Variants in NEBL observed in about 807,000 individuals in gnomAD.
The protein encoded by NEBL is nebulette.
A neutral mutation model predicts 140.2 loss-of-function variants in NEBL; 122 were observed. The ratio of observed to expected loss-of-function variants is 0.87; its 90% CI spans 0.75 to 1.01. NEBL has a LOEUF of 1.01. Among genes scored for constraint, NEBL ranks in the 50% least tolerant of loss-of-function variants. NEBL has a pLI of 0.00. For synonymous variants in NEBL, 436 were observed against 398.9 expected (o/e 1.09, Z -1.11); for missense variants, 1,365 against 1,231.3 (o/e 1.11, Z -1.62).
intron 2 of NEBL, among the ~76,000 whole-genome samples, chr10:21,027,673 A>T (rs890351119): frequency 6.6e-6 from 1 of 152,148 alleles, no homozygotes; most frequent in Non-Finnish European, 1.5e-5. Flanking sequence ...GTGACTTCAC[A>T]TCATGAAACT....
chr10:21,137,829 GCTTCTCGGGAGGCAGAGGTAGAAGTATCA>G (rs1839424522), intron 2 of NEBL, among the ~76,000 whole-genome samples: 1 of 151,744 alleles, frequency 6.6e-6, no homozygotes. Context: ...TGTGATCTCA[GCTTCTCGGGAGGCAGAGGTAGAAGTATCA>G]CTTAAGCCTG....
chr10:21,152,805 A>G (rs1840194530), intron 2 of NEBL, among the ~76,000 whole-genome samples: 1 of 152,242 alleles, frequency 6.6e-6, no homozygotes, highest in East Asian at 1.9e-4. Context: ...CAGAAATCCA[A>G]TGACTGCATT....
chr10:21,051,280 G>T (rs1016449029), intron 2 of NEBL, among the ~76,000 whole-genome samples: 2 of 152,072 alleles, frequency 1.3e-5, no homozygotes, highest in Non-Finnish European at 2.9e-5. Context: ...TTTATTTTCT[G>T]TATGATTTAA....
chr10:21,176,109 C>T (rs1051868735), upstream of NEBL, among the ~76,000 whole-genome samples: 2 of 151,930 alleles, frequency 1.3e-5, no homozygotes, highest in Non-Finnish European at 2.9e-5. Flanking sequence ...CTCAGGTGAT[C>T]CTCCCGTCTC....
chr10:21,029,678 G>A (rs758600956), intron 2 of NEBL: 46 of 1,145,952 alleles, frequency 4.0e-5, no homozygotes, highest in Non-Finnish European at 5.5e-5. Context: ...TATCGAGATC[G>A]TTATGATTCA....
chr10:21,213,959 A>G (rs1206496664), intron 3 of NEBL, among the ~76,000 whole-genome samples: 1 of 152,162 alleles, frequency 6.6e-6, no homozygotes, highest in Non-Finnish European at 1.5e-5. Flanking sequence ...CTTTTATGTA[A>G]GTATCGGCTG....
chr10:21,096,755 T>A (rs1837206701), intron 2 of NEBL, among the ~76,000 whole-genome samples: 1 of 152,146 alleles, frequency 6.6e-6, no homozygotes, highest in Admixed American at 6.5e-5. Flanking sequence ...TCTCAAGCAA[T>A]CCTCCTCCCT....
intron 11 of NEBL, among the ~76,000 whole-genome samples, chr10:20,847,468 G>C (rs1441159612): frequency 2.0e-5 from 3 of 152,174 alleles, no homozygotes; most frequent in Non-Finnish European, 2.9e-5. Flanking sequence ...CATAGTATTT[G>C]AATATATTAA....
chr10:21,057,874 T>C (rs375919201), intron 2 of NEBL, among the ~76,000 whole-genome samples: 19 of 152,266 alleles, frequency 1.2e-4, no homozygotes, highest in East Asian at 9.6e-4. Context: ...TAACTTAACA[T>C]GACATGAAAA....
chr10:20,880,639 T>C (rs959218211), intron 5 of NEBL, among the ~76,000 whole-genome samples, 155 bp downstream of exon 5: 4 of 152,230 alleles, frequency 2.6e-5, no homozygotes, highest in African/African-American at 7.2e-5. Flanking sequence ...TGACTGTGGA[T>C]AGAATAATTC....
intron 4 of NEBL, among the ~76,000 whole-genome samples, chr10:20,942,966 T>C (rs569496653): frequency 2.6e-5 from 4 of 152,122 alleles, no homozygotes; most frequent in African/African-American, 9.6e-5. Context: ...TGTGGAGAAA[T>C]AGGAACACTT....
At position 20,787,604 on chromosome 10, in the gene NEBL, C is replaced by T. The variant is rs115922291; in HGVS notation, c.2762-296G>A. ...ACATAAACAAAAATTTTTCATACTC[C>T]CTTAATGAAATCATGTTTTTATTCG... On this transcript the variant is annotated intron_variant, in intron 26 of 27. Transcript: ENST00000377122. Among the ~76,000 whole-genome samples, 2,048 of 152,190 alleles carry T rather than the reference C, an allele frequency of 0.013. 46 individuals are homozygous for T. The highest frequency in any genetic ancestry group is 0.047 in the African/African-American group (1,942 of 41,532).
chr10:20,829,865 T>C (rs1840238572), intron 16 of NEBL, among the ~76,000 whole-genome samples: 1 of 152,202 alleles, frequency 6.6e-6, no homozygotes, highest in Non-Finnish European at 1.5e-5. Flanking sequence ...TCTGTAGCTT[T>C]CCAAGAGCAA....
chr10:21,212,762 G>T (rs1197801782), intron 3 of NEBL, among the ~76,000 whole-genome samples: 1 of 152,186 alleles, frequency 6.6e-6, no homozygotes, highest in African/African-American at 2.4e-5. Context: ...TTTTATTTTT[G>T]AAATACTTGC....
chr10:21,170,582 CAATAGG>C (rs1448899144), intron 2 of NEBL: 1 of 152,440 alleles, frequency 6.6e-6, no homozygotes, highest in Non-Finnish European at 1.5e-5. Flanking sequence ...CACGCTATTC[CAATAGG>C]AAGCACGGTG....
chr10:20,896,425 G>A (rs1030783139), intron 2 of NEBL, among the ~76,000 whole-genome samples: 1 of 144,264 alleles, frequency 6.9e-6, no homozygotes, highest in Non-Finnish European at 1.5e-5. Flanking sequence ...TAATATCAGG[G>A]TTCTTAGCAA....
chr10:20,874,653 A>C (rs11012370), intron 5 of NEBL, among the ~76,000 whole-genome samples: 1,599 of 152,314 alleles, frequency 0.01, 23 homozygotes, highest in African/African-American at 0.036. Context: ...CATACACAAC[A>C]GAATCTCATT....
At chr10:21,182,873 C>T (rs969103610) in intron 3 of NEBL, among the ~76,000 whole-genome samples, 5 of 152,198 alleles carry the variant, frequency 3.3e-5, no homozygotes, top group Non-Finnish European at 7.3e-5. Context: ...TTTACATTGG[C>T]TTTCTCATAC....
intron 4 of NEBL, among the ~76,000 whole-genome samples, chr10:20,929,309 A>G (rs1834065590): frequency 6.6e-6 from 1 of 152,024 alleles, no homozygotes; most frequent in African/African-American, 2.4e-5. Flanking sequence ...ACTTCAATAG[A>G]CTTATTCACA....
Sources: gnomAD v4.1 joint callset for allele counts (sites outside exome capture counted in the v4.1 genomes callset) on GRCh38, gnomAD v4.1.1 for gene constraint, MANE v1.5 for transcripts, NCBI Gene and HGNC (gene_info 2026-07-23, HGNC 2026-07-21) for gene names.